CAST: variants seen among roughly 807,000 people sequenced by gnomAD.
CAST encodes MIR583 host.
Under a neutral mutation model 119.6 loss-of-function variants are expected in CAST, and 76 were observed. The observed-to-expected ratio is 0.64, with a 90% confidence interval of 0.53 to 0.77. CAST has a LOEUF of 0.77. Ranked by LOEUF, CAST falls within the 30% of genes least tolerant of loss-of-function variation. The probability of loss-of-function intolerance (pLI) is 0.00; values close to 1 mark genes in which losing one functional copy is unlikely to be tolerated. For missense variants in CAST, 953 were observed against 946.5 expected (o/e 1.01, Z -0.09); for synonymous variants, 319 against 331.6 (o/e 0.96, Z 0.41).
intron 2 of CAST, among the ~76,000 whole-genome samples, chr5:96,693,387 T>C (rs1455454838): frequency 1.3e-5 from 2 of 152,266 alleles, no homozygotes; most frequent in Admixed American, 6.5e-5. Flanking sequence ...TAAATTCTCA[T>C]TGGCAGATCC....
chr5:96,419,874 C>T, the CAST span, among the ~76,000 whole-genome samples: 1 of 152,048 alleles, frequency 6.6e-6, no homozygotes, highest in East Asian at 1.9e-4. Context: ...TGTTCCATCT[C>T]CTGACTGGAA....
intron 1 of CAST, among the ~76,000 whole-genome samples, chr5:96,654,453 C>T (rs1006315792): frequency 2.4e-4 from 37 of 152,112 alleles, no homozygotes; most frequent in African/African-American, 7.2e-4. Flanking sequence ...AAAAACCTCA[C>T]GTGTAGTGTG....
the CAST span, among the ~76,000 whole-genome samples, chr5:96,448,379 C>G: frequency 4.1e-4 from 62 of 152,222 alleles, no homozygotes; most frequent in Non-Finnish European, 7.6e-4. Context: ...ACCATCCTGT[C>G]AGCTATCCAA....
the CAST span, among the ~76,000 whole-genome samples, chr5:96,002,286 A>G: frequency 1.3e-5 from 2 of 152,190 alleles, no homozygotes; most frequent in Non-Finnish European, 2.9e-5. Flanking sequence ...TCTTTTAACT[A>G]GGAAGTTTAG....
chr5:96,428,247 A>G, the CAST span, among the ~76,000 whole-genome samples: 8 of 152,282 alleles, frequency 5.3e-5, no homozygotes, highest in South Asian at 1.5e-3. Context: ...TTTCTGTCAC[A>G]TACATATATA....
In CAST at chr5:96,706,583, G is replaced by A. The variant is rs184714823; in HGVS notation, c.210+10676G>A. On this transcript the variant is annotated intron_variant, in intron 3 of 31. Transcript: ENST00000675179. Reference sequence around the variant, plus strand: ...GCTAAAGCAGAAAATGCCAACAGCTGCAGATCCTAATGACTGAGATGTTAT... The same window carrying A: ...GCTAAAGCAGAAAATGCCAACAGCTACAGATCCTAATGACTGAGATGTTAT... Among the ~76,000 whole-genome samples the A allele has an allele frequency of 1.9e-3, 288 of 152,334 alleles. 2 individuals carry two copies. The highest frequency in any genetic ancestry group is 3.4e-3 in the Middle Eastern group (1 of 294).
chr5:96,658,269 T>C (rs953623757), upstream of CAST, among the ~76,000 whole-genome samples: 2 of 151,780 alleles, frequency 1.3e-5, no homozygotes, highest in Non-Finnish European at 2.9e-5. Flanking sequence ...GCCTAACAAA[T>C]GTTAAAGTTA....
At chr5:95,965,468 C>T in the CAST span, among the ~76,000 whole-genome samples, 2 of 152,290 alleles carry the variant, frequency 1.3e-5, no homozygotes, top group East Asian at 3.9e-4. Context: ...TTCTTAAACT[C>T]ATCTATACAA....
chr5:96,676,408 T>C (rs889940645), intron 2 of CAST, among the ~76,000 whole-genome samples: 1 of 152,172 alleles, frequency 6.6e-6, no homozygotes, highest in Non-Finnish European at 1.5e-5. Context: ...ATTAATCAGG[T>C]GTTTTTCTGA....
the CAST span, among the ~76,000 whole-genome samples, chr5:96,377,366 C>T: frequency 3.9e-5 from 6 of 152,104 alleles, no homozygotes; most frequent in African/African-American, 1.4e-4. Flanking sequence ...TGCTGATTCA[C>T]CCACAGCAAC....
rs534433422 is a variant in CAST, at chr5:96,774,386, G to A, written c.*1770G>A. Reference sequence around the variant, plus strand: ...AATTAGAAATATCTTCGAGACTTGGGTGTTTGTTAATAACTAATAACTGGA... The same window carrying A: ...AATTAGAAATATCTTCGAGACTTGGATGTTTGTTAATAACTAATAACTGGA... On this transcript the variant is annotated 3_prime_UTR_variant, in exon 32 of 32. Transcript: ENST00000675179. 3 of 363,964 alleles carry A rather than the reference G, an allele frequency of 8.2e-6. No homozygotes were observed. Among genetic ancestry groups the A allele is most frequent in the African/African-American group, 4.4e-5 (2 of 45,478 alleles). The allele number at this position is 363,964 out of a possible 1,614,324, so 22.5% of individuals were successfully genotyped here.
At chr5:96,251,115 G>T in the CAST span, among the ~76,000 whole-genome samples, 2 of 152,096 alleles carry the variant, frequency 1.3e-5, no homozygotes, top group South Asian at 2.1e-4. Context: ...ATTTACCAAG[G>T]GTCCTTACCT....
chr5:96,771,677 T>G lies in CAST; in HGVS notation c.2374T>G (p.Ter792GluextTer5), dbSNP rs2150809073. Reference sequence around the variant, plus strand: ...GGAAACTTCCAAGCCAAAAGATGACTAAAGAAATACAAGTTAAGGTATCTG... The same window carrying G: ...GGAAACTTCCAAGCCAAAAGATGACGAAAGAAATACAAGTTAAGGTATCTG... ...TEETSKPKDD* is the reference protein window; with the variant it reads ...TEETSKPKDDE The change falls in exon 31 of 32, where the codon TAA (stop) becomes GAA (glutamate). Residue 792 changes from the stop codon to glutamate, a stop_lost. Coordinates refer to ENST00000675179, the MANE Select transcript of CAST (RefSeq NM_001750.7). 6.2e-7 allele frequency: 1 copy of G among 1,610,970 alleles called. No individual in the cohort carries two copies.
At chr5:96,552,879 A>G (rs1487792530) in intron 1 of CAST, among the ~76,000 whole-genome samples, 1 of 152,198 alleles carries the variant, frequency 6.6e-6, no homozygotes, top group Non-Finnish European at 1.5e-5. Flanking sequence ...GAACCTCTGA[A>G]TAGACCAATA....
chr5:96,257,540 G>T, the CAST span, among the ~76,000 whole-genome samples: 2 of 152,190 alleles, frequency 1.3e-5, no homozygotes, highest in Non-Finnish European at 2.9e-5. Flanking sequence ...GACATCAGTT[G>T]TTTAAAAGGA....
the CAST span, chr5:96,429,374 C>T: frequency 1.0e-6 from 1 of 957,284 alleles, no homozygotes; most frequent in East Asian, 2.4e-5. Context: ...TATATATGGA[C>T]TAGTTTAAAA....
the CAST span, among the ~76,000 whole-genome samples, chr5:96,469,468 G>T: frequency 6.6e-6 from 1 of 151,744 alleles, no homozygotes; most frequent in Admixed American, 6.6e-5. Context: ...TTTTCCTATT[G>T]GCTAGGAATT....
chr5:96,736,724 A>T (rs1248089572), intron 10 of CAST, among the ~76,000 whole-genome samples: 1 of 152,188 alleles, frequency 6.6e-6, no homozygotes, highest in Non-Finnish European at 1.5e-5. Flanking sequence ...AAATCAAATA[A>T]TACAAGGTCC....
chr5:96,109,523 C>G, the CAST span, among the ~76,000 whole-genome samples: 1 of 152,120 alleles, frequency 6.6e-6, no homozygotes, highest in Non-Finnish European at 1.5e-5. Flanking sequence ...TGCTTTTTGG[C>G]AGTGATCAGT....
Sources: gnomAD v4.1 joint callset for allele counts (sites outside exome capture counted in the v4.1 genomes callset) on GRCh38, gnomAD v4.1.1 for gene constraint, MANE v1.5 for transcripts, NCBI Gene and HGNC (gene_info 2026-07-23, HGNC 2026-07-21) for gene names.